The following OR51B5 variants were observed in gnomAD, a reference collection of about 807,000 sequenced individuals.
The protein encoded by OR51B5 is olfactory receptor family 51 subfamily B member 5.
For synonymous variants in OR51B5, 186 were observed against 144.8 expected (o/e 1.28, Z -2.04); for missense variants, 456 against 374.6 (o/e 1.22, Z -1.79).
intron 1 of OR51B5, chr11:5,440,825 G>T (rs770245603): frequency 3.1e-6 from 5 of 1,613,858 alleles, no homozygotes; most frequent in Middle Eastern, 1.7e-4. Flanking sequence ...CCTGGGATAT[G>T]ATGACCAGCA....
rs534576072 is a variant in OR51B5, at chr11:5,471,925, G to A, written n.84+33644C>T. Among the ~76,000 whole-genome samples the A allele has an allele frequency of 7.2e-5, 11 of 152,264 alleles. No individual in the cohort carries two copies. The South Asian group carries it at 2.1e-3, about 29-fold the overall frequency. Reference sequence around the variant, plus strand: ...AGATGTACTGAATAAATGGCAACTAGGAAAGTTGTGATAAAGAGGGACATT... The same window carrying A: ...AGATGTACTGAATAAATGGCAACTAAGAAAGTTGTGATAAAGAGGGACATT... On this transcript the variant is annotated intron_variant and non_coding_transcript_variant, in intron 1 of 4. Coordinates refer to the OR51B5 transcript ENST00000415970.
At chr11:5,373,908 GACAA>G (rs1213777459) in intron 1 of OR51B5, among the ~76,000 whole-genome samples, 2 of 152,220 alleles carry the variant, frequency 1.3e-5, no homozygotes, top group Admixed American at 6.5e-5. Context: ...GCAGGGCACA[GACAA>G]ACAAAAAGAC....
chr11:5,447,667 G>C (rs1189392292), intron 1 of OR51B5, among the ~76,000 whole-genome samples: 3 of 151,964 alleles, frequency 2.0e-5, no homozygotes, highest in Admixed American at 2.0e-4. Flanking sequence ...TTGCCAACCA[G>C]CTCCCAAGAT....
At chr11:5,422,297 G>T (rs139705409) in intron 1 of OR51B5, 87 of 1,613,838 alleles carry the variant, frequency 5.4e-5, no homozygotes, top group Middle Eastern at 3.3e-4. Context: ...CTCCATCCCC[G>T]TCTGCTGTCT....
At chr11:5,342,199 C>T (rs1848905999), downstream of OR51B5, among the ~76,000 whole-genome samples, 1 of 152,134 alleles carries the variant, frequency 6.6e-6, no homozygotes, top group South Asian at 2.1e-4. Flanking sequence ...ACATAGTAAA[C>T]CAAACTCTAT....
At chr11:5,446,170 G>A (rs1850760168) in intron 1 of OR51B5, among the ~76,000 whole-genome samples, 1 of 151,988 alleles carries the variant, frequency 6.6e-6, no homozygotes, top group Non-Finnish European at 1.5e-5. Flanking sequence ...GAGTTAATGG[G>A]TGCAGCACAC....
intron 1 of OR51B5, among the ~76,000 whole-genome samples, chr11:5,384,181 T>G (rs932902411): frequency 8.5e-5 from 13 of 152,272 alleles, no homozygotes; most frequent in African/African-American, 3.1e-4. Flanking sequence ...GTTTCTTTGT[T>G]TGTTGTTTTT....
At chr11:5,442,706 C>T (rs1004506946) in intron 1 of OR51B5, among the ~76,000 whole-genome samples, 7 of 152,238 alleles carry the variant, frequency 4.6e-5, no homozygotes, top group East Asian at 1.9e-4. Flanking sequence ...TCTTCGATGT[C>T]GGGATTCAAT....
At chr11:5,437,068 C>T (rs1252889382) in intron 1 of OR51B5, among the ~76,000 whole-genome samples, 1 of 152,042 alleles carries the variant, frequency 6.6e-6, no homozygotes, top group African/African-American at 2.4e-5. Context: ...TTAGATCTTA[C>T]CTTGGGAATA....
intron 1 of OR51B5, among the ~76,000 whole-genome samples, chr11:5,463,380 T>C (rs1047803330): frequency 1.3e-5 from 2 of 152,222 alleles, no homozygotes; most frequent in African/African-American, 4.8e-5. Context: ...ATTAAAGGTA[T>C]GGATGACATA....
chr11:5,418,428 A>G (rs1457756742), intron 1 of OR51B5, among the ~76,000 whole-genome samples: 1 of 132,552 alleles, frequency 7.5e-6, no homozygotes, highest in African/African-American at 2.5e-5. Context: ...AAAACAAAAC[A>G]AAACAAAAAG....
chr11:5,360,794 T>A (rs1245874556), intron 1 of OR51B5, among the ~76,000 whole-genome samples: 1 of 148,094 alleles, frequency 6.8e-6, no homozygotes, highest in Admixed American at 6.8e-5. Context: ...ATATACACCA[T>A]GGAATACTAT....
intron 1 of OR51B5, among the ~76,000 whole-genome samples, chr11:5,459,197 T>G (rs1193438929): frequency 6.6e-6 from 1 of 152,180 alleles, no homozygotes; most frequent in Non-Finnish European, 1.5e-5. Flanking sequence ...CTTTTCTGTC[T>G]CTATTGAGAT....
At chr11:5,469,629 T>C (rs555116409) in intron 1 of OR51B5, among the ~76,000 whole-genome samples, 24 of 152,336 alleles carry the variant, frequency 1.6e-4, no homozygotes, top group South Asian at 2.1e-4. Flanking sequence ...AGATCTGTCA[T>C]GAGCTCCAGG....
chr11:5,393,483 T>C (rs1193104575), intron 1 of OR51B5, among the ~76,000 whole-genome samples: 2 of 152,174 alleles, frequency 1.3e-5, no homozygotes. Flanking sequence ...TTATTTTCTA[T>C]ATAGATTTCT....
Position 5,343,050 on chromosome 11 carries a change from T to C in OR51B5, c.475A>G (p.Arg159Gly). 5 of 1,613,372 alleles carry C rather than the reference T, an allele frequency of 3.1e-6. No homozygotes were observed. The South Asian group carries it at 5.5e-5, about 18-fold the overall frequency. Residue 159 changes from arginine to glycine, a missense_variant, in exon 1 of 1, where the codon AGG (arginine) becomes GGG (glycine). Arg to Gly is a moderately radical substitution (Grantham distance 125). Transcript: ENST00000300773. Reference sequence around the variant, plus strand: ...CAATACAGAAAAAAATAGAGGGGCCTGATTGGGGGAACAACGGATACAAAT... The same window carrying C: ...CAATACAGAAAAAAATAGAGGGGCCCGATTGGGGGAACAACGGATACAAAT...
At chr11:5,473,259 C>A (rs912527024) in intron 1 of OR51B5, among the ~76,000 whole-genome samples, 3 of 152,136 alleles carry the variant, frequency 2.0e-5, no homozygotes, top group African/African-American at 4.8e-5. Flanking sequence ...CCTGTTGACT[C>A]TGGAGTTTTG....
chr11:5,359,120 CAT>C (rs1477036273), intron 1 of OR51B5, among the ~76,000 whole-genome samples: 1 of 152,056 alleles, frequency 6.6e-6, no homozygotes, highest in Non-Finnish European at 1.5e-5. Flanking sequence ...TCCTATTCAA[CAT>C]AGTGTTGGAA....
At chr11:5,341,846 A>AATAAGAATGAGAGCAAGATAG (rs548637741), downstream of OR51B5, among the ~76,000 whole-genome samples, 5 of 152,310 alleles carry the variant, frequency 3.3e-5, no homozygotes, top group South Asian at 1.0e-3. Context: ...AGGGTAGTAG[A>AATAAGAATGAGAGCAAGATAG]ATAAGAATGA....
Sources: allele counts gnomAD v4.1 joint callset (sites outside exome capture counted in the v4.1 genomes callset), GRCh38; gene constraint gnomAD v4.1.1; transcripts MANE v1.5; gene names NCBI Gene and HGNC (gene_info 2026-07-23, HGNC 2026-07-21).